Variants in SOX13 observed in about 807,000 individuals in gnomAD.
The protein encoded by SOX13 is transcription factor SOX-13.
Under a neutral mutation model 71.8 loss-of-function variants are expected in SOX13, and 28 were observed. That is an observed-to-expected ratio of 0.39 (90% CI 0.29 to 0.53). SOX13 has a LOEUF of 0.53. SOX13 is among the 20% of genes least tolerant of loss of function. SOX13 has a pLI of 0.70. For synonymous variants in SOX13, 309 were observed against 317.8 expected, an observed-to-expected ratio of 0.97 and a Z score of 0.29; for missense variants, 627 against 810.3, an observed-to-expected ratio of 0.77 and a Z score of 2.75.
rs1656829506 is a variant in SOX13, at chr1:204,122,434, C to A, written c.1024+35C>A. ...CTGCTGCCTGCACTTGTCCCTCAGC[C>A]CTCTTAGGGGAGAGCCGGCGGCATG... On this transcript the variant is annotated intron_variant, in intron 9 of 13. Transcript: ENST00000367204. 4 of 1,546,308 alleles carry A rather than the reference C, an allele frequency of 2.6e-6. No individual in the cohort carries two copies. The South Asian group carries it at 4.8e-5, about 18-fold the overall frequency.
At chr1:204,103,824 A>C (rs1656405863) in intron 1 of SOX13, among the ~76,000 whole-genome samples, 2 of 152,164 alleles carry the variant, frequency 1.3e-5, no homozygotes, top group Admixed American at 1.3e-4. Context: ...TGGGTTCTAG[A>C]GGCAGGAAGG....
rs1326894155 is a variant in SOX13, at chr1:204,122,947, A to G, written c.1118A>G (p.Asn373Ser). 2 of 1,587,636 alleles carry G rather than the reference A, an allele frequency of 1.3e-6. No homozygotes were observed. The highest frequency in any genetic ancestry group is 1.3e-5 in the African/African-American group (1 of 74,304). Residue 373 changes from asparagine (N) to serine (S), a missense_variant, in exon 10 of 14, where the codon AAC becomes AGC. Physicochemically the swap from Asn to Ser is conservative, Grantham distance 46. Coordinates refer to ENST00000367204, the MANE Select transcript of SOX13 (RefSeq NM_005686.3). Reference protein sequence around the residue: ...SHSGALDGSPNTPFRKDLISL... With the variant: ...SHSGALDGSPSTPFRKDLISL... ...AGTGGGGCCTTGGATGGCTCCCCCA[A>G]CACCCCCTTCCGTAAGGTATGGTCC...
chr1:204,083,206 G>A (rs565499236), intron 1 of SOX13, among the ~76,000 whole-genome samples: 1 of 152,272 alleles, frequency 6.6e-6, no homozygotes, highest in African/African-American at 2.4e-5. Flanking sequence ...GCAGTTTAGA[G>A]AGGGTCTGTT....
chr1:204,104,586 C>G (rs1656425384), intron 1 of SOX13, among the ~76,000 whole-genome samples: 1 of 152,230 alleles, frequency 6.6e-6, no homozygotes, highest in South Asian at 2.1e-4. Flanking sequence ...CCCTGGGACT[C>G]AAGCCCTGCC....
intron 1 of SOX13, among the ~76,000 whole-genome samples, chr1:204,105,303 G>A (rs765671493): frequency 2.6e-5 from 4 of 152,228 alleles, no homozygotes; most frequent in African/African-American, 9.6e-5. Context: ...CACAGAGGAA[G>A]AAGAATGGAA....
chr1:204,102,061 T>A (rs1003887085), intron 1 of SOX13, among the ~76,000 whole-genome samples: 1 of 152,214 alleles, frequency 6.6e-6, no homozygotes, highest in Non-Finnish European at 1.5e-5. Context: ...AGACGGATGC[T>A]GGGTTTGAAC....
In SOX13 at chr1:204,123,402, C is replaced by A. The variant is rs1052496452; in HGVS notation, c.1231+194C>A. ...TCTGCTTTCCTAAGTTTTGTGACTG[C>A]TGAGTTTCTGCTCTCTCTTGAGGCC... is the stretch of plus-strand genomic sequence containing the variant. On this transcript the variant is annotated intron_variant, in intron 11 of 13. Coordinates refer to ENST00000367204, the MANE Select transcript of SOX13 (RefSeq NM_005686.3). The surrounding 1 kb of genome is among the most constrained non-coding windows in gnomAD (Gnocchi z 5.0). Among the ~76,000 whole-genome samples the A allele has an allele frequency of 2.6e-5, 4 of 152,190 alleles. No individual in the cohort carries two copies. The highest frequency in any genetic ancestry group is 9.7e-5 in the African/African-American group (4 of 41,448).
chr1:204,127,719 A>G lies in SOX13; in HGVS notation c.*1585A>G, dbSNP rs1406039894. The G allele has an allele frequency of 6.6e-6, 1 of 152,628 alleles. No individual in the cohort carries two copies. Among genetic ancestry groups the G allele is most frequent in the Non-Finnish European group, 1.5e-5 (1 of 68,038 alleles). The allele number at this position is 152,628 out of a possible 1,614,324, so 9.5% of individuals were successfully genotyped here. A position where few individuals can be genotyped will look rare whatever the true frequency, so the allele number is the denominator to read the frequency against. On this transcript the variant is annotated 3_prime_UTR_variant, in exon 14 of 14. Transcript: ENST00000367204. The stretch of plus-strand genomic sequence containing the variant: ...GGGGATTTTTTTGTTTTCTGATGAC[A>G]TAATAAAGACAGATCATTTCAGAAT...
In SOX13 at chr1:204,112,921, C is replaced by T. The variant is rs1656616042; in HGVS notation, c.6C>T (p.Ser2=). The change falls in exon 2 of 14, where the codon TCC becomes TCT. Residue 2 remains serine (S), a synonymous_variant. Coordinates refer to ENST00000367204, the MANE Select transcript of SOX13 (RefSeq NM_005686.3). ...CACTCTGTCCCTCCCCCAGGATGTC[C>T]ATGAGGAGCCCCATCTCTGCCCAGC... M[S]MRSPISAQLA... The T allele has an allele frequency of 1.9e-6, 3 of 1,613,242 alleles. No homozygotes were observed. Among genetic ancestry groups the T allele is most frequent in the Non-Finnish European group, 2.5e-6 (3 of 1,179,628 alleles).
intron 9 of SOX13, 165 bp downstream of exon 9, chr1:204,122,564 C>A: frequency 1.6e-6 from 1 of 628,646 alleles, no homozygotes; most frequent in South Asian, 2.0e-5. Context: ...TCTCCCTCAT[C>A]ATATCTGTCT....
intron 1 of SOX13, among the ~76,000 whole-genome samples, chr1:204,096,614 A>C (rs1656257638): frequency 6.6e-6 from 1 of 151,288 alleles, no homozygotes; most frequent in African/African-American, 2.4e-5. Flanking sequence ...ATGGGGTTTC[A>C]CCATGTTGGC....
At chr1:204,088,266 C>T (rs1406018145) in intron 1 of SOX13, among the ~76,000 whole-genome samples, 4 of 152,276 alleles carry the variant, frequency 2.6e-5, no homozygotes, top group African/African-American at 9.6e-5. Flanking sequence ...TGGGCTGAGA[C>T]CAAGGAGAGG....
chr1:204,090,397 T>G (rs1011657431), intron 1 of SOX13, among the ~76,000 whole-genome samples: 1 of 139,400 alleles, frequency 7.2e-6, no homozygotes, highest in African/African-American at 2.7e-5. Context: ...AGCTCAAGAC[T>G]TCTTCTTCTT....
rs188977268 is a variant in SOX13, at chr1:204,117,848, A to G, written c.775+141A>G. The G allele has an allele frequency of 4.1e-4, 255 of 615,746 alleles. 2 individuals carry two copies. Among genetic ancestry groups the G allele is most frequent in the East Asian group, 8.3e-4 (30 of 36,078 alleles). 38.1% of individuals were successfully genotyped at this position (615,746 alleles called of 1,614,324 possible). On this transcript the variant is annotated intron_variant, in intron 7 of 13. Coordinates refer to ENST00000367204, the MANE Select transcript of SOX13 (RefSeq NM_005686.3). ...TTTGGATCTGTCTGGTAGAAGAATC[A>G]TCCTCTTTTTCTGAATCTTGCTGAA...
chr1:204,085,923 C>T (rs1179953875), intron 1 of SOX13, among the ~76,000 whole-genome samples: 4 of 150,394 alleles, frequency 2.7e-5, no homozygotes, highest in African/African-American at 9.8e-5. Flanking sequence ...GAGCAGTGAT[C>T]GTGCCACTGC....
rs745808614 is a variant in SOX13, at chr1:204,117,625, C to G, written c.693C>G (p.Ala231=). 6.2e-7 allele frequency: 1 copy of G among 1,613,466 alleles called. No homozygotes were observed. Among genetic ancestry groups the G allele is most frequent in the Non-Finnish European group, 8.5e-7 (1 of 1,179,676 alleles). ...QVNMPYVMIP[A]FPPSHQPLPV... is the part of the protein sequence containing the mutation. The stretch of plus-strand genomic sequence containing the variant: ...ACATGCCTTATGTCATGATCCCAGC[C>G]TTCCCCCCAAGCCACCAACCTCTGC... The change falls in exon 7 of 14, where the codon GCC becomes GCG. Residue 231 remains alanine, a synonymous_variant. Transcript: ENST00000367204.
At chr1:204,115,269 A>G (rs145663172) in intron 4 of SOX13, among the ~76,000 whole-genome samples, 138 of 151,766 alleles carry the variant, frequency 9.1e-4, no homozygotes, top group African/African-American at 3.3e-3. Flanking sequence ...TGGCATCTCA[A>G]ATTGCTAGGA....
chr1:204,115,131 G>A (rs1439120594), intron 4 of SOX13, among the ~76,000 whole-genome samples: 1 of 151,704 alleles, frequency 6.6e-6, no homozygotes, highest in Non-Finnish European at 1.5e-5. Flanking sequence ...TCAGCCTCCT[G>A]AGTAGCTGGG....
intron 1 of SOX13, among the ~76,000 whole-genome samples, chr1:204,076,718 G>A (rs1655793896): frequency 6.6e-6 from 1 of 152,206 alleles, no homozygotes; most frequent in South Asian, 2.1e-4. Flanking sequence ...AGGCATGGGG[G>A]AGGATGGCCA....
Sources: allele counts gnomAD v4.1 joint callset (sites outside exome capture counted in the v4.1 genomes callset), GRCh38; gene constraint gnomAD v4.1.1; non-coding constraint Gnocchi (gnomAD v3.1); transcripts MANE v1.5; gene names NCBI Gene and HGNC (gene_info 2026-07-23, HGNC 2026-07-21).